GRIN3A: variants seen among roughly 807,000 people sequenced by gnomAD.
GRIN3A encodes glutamate receptor ionotropic, NMDA 3A.
In GRIN3A, 47 loss-of-function variants were observed where a neutral mutation model predicts 92.4. The observed-to-expected ratio is 0.51, with a 90% CI of 0.40 to 0.65. The LOEUF is 0.65. Ranked by LOEUF, GRIN3A falls within the 30% of genes least tolerant of loss-of-function variation. The pLI is 0.00. For missense variants in GRIN3A, 1,324 were observed against 1,393.1 expected, an observed-to-expected ratio of 0.95 and a Z score of 0.79; for synonymous variants, 527 against 540.6, an observed-to-expected ratio of 0.97 and a Z score of 0.35.
intron 3 of GRIN3A, among the ~76,000 whole-genome samples, chr9:101,638,762 C>T (rs1258046164): frequency 6.6e-6 from 1 of 152,196 alleles, no homozygotes; most frequent in African/African-American, 2.4e-5. Flanking sequence ...CTGGTTCTAT[C>T]GTATACGACC....
chr9:101,721,460 G>A, intron 1 of GRIN3A, among the ~76,000 whole-genome samples: 1 of 152,160 alleles, frequency 6.6e-6, no homozygotes, highest in East Asian at 1.9e-4. Flanking sequence ...GGGCGTTGCT[G>A]AAAAGATACC....
intron 6 of GRIN3A, among the ~76,000 whole-genome samples, chr9:101,585,764 T>C (rs1271575358): frequency 1.3e-5 from 2 of 152,162 alleles, no homozygotes; most frequent in African/African-American, 4.8e-5. Context: ...TGAGACAGCC[T>C]CCTAGTTGTT....
At chr9:101,658,718 A>G (rs1242285182) in intron 3 of GRIN3A, among the ~76,000 whole-genome samples, 1 of 149,246 alleles carries the variant, frequency 6.7e-6, no homozygotes, top group Non-Finnish European at 1.5e-5. Context: ...ATAACATCAT[A>G]TATTTTATAT....
At chr9:101,707,390 T>G (rs1829826592) in intron 1 of GRIN3A, among the ~76,000 whole-genome samples, 2 of 152,234 alleles carry the variant, frequency 1.3e-5, no homozygotes, top group Non-Finnish European at 2.9e-5. Context: ...AGCATCCATT[T>G]GACTGCTCTT....
At chr9:101,700,715 T>A (rs1326048796) in intron 1 of GRIN3A, among the ~76,000 whole-genome samples, 1 of 152,184 alleles carries the variant, frequency 6.6e-6, no homozygotes, top group Non-Finnish European at 1.5e-5. Flanking sequence ...TTGGGTCAAC[T>A]TTTCAGTTAT....
At chr9:101,650,696 A>G (rs1213741147) in intron 3 of GRIN3A, among the ~76,000 whole-genome samples, 1 of 152,024 alleles carries the variant, frequency 6.6e-6, no homozygotes, top group Non-Finnish European at 1.5e-5. Context: ...GGTAACAACT[A>G]TACGTGAGGA....
intron 1 of GRIN3A, among the ~76,000 whole-genome samples, chr9:101,716,234 T>C (rs1829946271): frequency 6.6e-6 from 1 of 152,162 alleles, no homozygotes; most frequent in South Asian, 2.1e-4. Flanking sequence ...ACATGGAAAT[T>C]AAGAAAGTGT....
intron 2 of GRIN3A, among the ~76,000 whole-genome samples, chr9:101,685,538 A>G (rs1470564614): frequency 6.6e-6 from 1 of 151,874 alleles, no homozygotes; most frequent in Non-Finnish European, 1.5e-5. Flanking sequence ...TTTCAGAAGA[A>G]AGTCTAAGCC....
intron 3 of GRIN3A, among the ~76,000 whole-genome samples, chr9:101,660,000 A>T (rs901137162): frequency 6.6e-6 from 1 of 151,836 alleles, no homozygotes; most frequent in Non-Finnish European, 1.5e-5. Flanking sequence ...CTTGAATTGG[A>T]GAACATTCAG....
At chr9:101,668,230 TAC>T (rs200107145) in intron 3 of GRIN3A, among the ~76,000 whole-genome samples, 50,438 of 151,674 alleles carry the variant, frequency 0.33, 9,229 homozygotes, top group Non-Finnish European at 0.41. Flanking sequence ...TAATCACTCT[TAC>T]AGATTTTCAT....
intron 3 of GRIN3A, among the ~76,000 whole-genome samples, chr9:101,650,260 C>T (rs1588266815): frequency 1.3e-5 from 2 of 152,000 alleles, no homozygotes; most frequent in East Asian, 1.9e-4. Context: ...CAACTCTTTT[C>T]TCCTTTCTGT....
intron 4 of GRIN3A, among the ~76,000 whole-genome samples, chr9:101,627,194 G>C (rs551345217): frequency 6.6e-6 from 1 of 152,208 alleles, no homozygotes. Context: ...ATGTCAGAGA[G>C]AGACTGTAAT....
intron 2 of GRIN3A, among the ~76,000 whole-genome samples, chr9:101,678,828 G>T (rs756765345): frequency 5.3e-5 from 8 of 152,148 alleles, no homozygotes; most frequent in Non-Finnish European, 7.4e-5. Flanking sequence ...GTTGTAACTG[G>T]CAAGCTGGCA....
intron 6 of GRIN3A, among the ~76,000 whole-genome samples, chr9:101,609,411 G>T (rs1828329264): frequency 6.6e-6 from 1 of 152,142 alleles, no homozygotes; most frequent in Non-Finnish European, 1.5e-5. Context: ...AAAATGGGAT[G>T]GCAGGTTTTA....
In GRIN3A at chr9:101,570,558, G is replaced by A. The variant is rs1827744987; in HGVS notation, c.*2616C>T. 6.6e-6 allele frequency: 1 copy of A among 152,648 alleles called. No individual in the cohort carries two copies. The highest frequency in any genetic ancestry group is 6.5e-5 in the Admixed American group (1 of 15,284). 9.5% of individuals were successfully genotyped at this position (152,648 alleles called of 1,614,324 possible). A position where few individuals can be genotyped will look rare whatever the true frequency, so the allele number is the denominator to read the frequency against. ...GTTTTTCTTTATTCAGAACATAGAG[G>A]CATTTCAAGCAATGTTGATGGCAGT... On this transcript the variant is annotated 3_prime_UTR_variant, in exon 9 of 9. Coordinates refer to ENST00000361820, the MANE Select transcript of GRIN3A (RefSeq NM_133445.3).
chr9:101,631,135 C>T (rs2118883536), intron 3 of GRIN3A, among the ~76,000 whole-genome samples: 1 of 152,286 alleles, frequency 6.6e-6, no homozygotes, highest in Non-Finnish European at 1.5e-5. Flanking sequence ...TCTAGACTCT[C>T]AGTTTCTTCA....
At chr9:101,593,263 C>T (rs1030227118) in intron 6 of GRIN3A, 1 of 152,244 alleles carries the variant, frequency 6.6e-6, no homozygotes, top group Non-Finnish European at 1.5e-5. Flanking sequence ...GGCTCCGGCT[C>T]ACCCAATGGT....
At position 101,571,735 on chromosome 9, in the gene GRIN3A, A is replaced by T. The variant is rs1009259065; in HGVS notation, c.*1439T>A. On this transcript the variant is annotated 3_prime_UTR_variant, in exon 9 of 9. Coordinates refer to ENST00000361820, the MANE Select transcript of GRIN3A (RefSeq NM_133445.3). ...AAACTTCCAGAATGGTGTTTCTAGA[A>T]AAGTAATTTTTAGACCACCTGTGTC... The T allele has an allele frequency of 6.6e-6, 1 of 152,186 alleles. No homozygotes were observed. Among genetic ancestry groups the T allele is most frequent in the African/African-American group, 2.4e-5 (1 of 41,420 alleles). 9.4% of individuals were successfully genotyped at this position (152,186 alleles called of 1,614,324 possible).
intron 5 of GRIN3A, among the ~76,000 whole-genome samples, chr9:101,617,841 C>T (rs1182579857): frequency 2.8e-5 from 4 of 143,592 alleles, no homozygotes; most frequent in African/African-American, 1.0e-4. Context: ...TGTTCCCCTT[C>T]CTGTGTCCAT....
Sources: gnomAD v4.1 joint callset for allele counts (sites outside exome capture counted in the v4.1 genomes callset) on GRCh38, gnomAD v4.1.1 for gene constraint, MANE v1.5 for transcripts, NCBI Gene and HGNC (gene_info 2026-07-23, HGNC 2026-07-21) for gene names.